Variants in NUDC observed in about 807,000 individuals in gnomAD.
NUDC encodes nuclear distribution C, dynein complex regulator.
Under a neutral mutation model 45.0 loss-of-function variants are expected in NUDC, and 14 were observed. The ratio of observed to expected loss-of-function variants is 0.31; its 90% CI spans 0.21 to 0.49. NUDC has a LOEUF of 0.49. Ranked by LOEUF, NUDC falls within the 20% of genes least tolerant of loss-of-function variation. The pLI, the probability that NUDC is intolerant of heterozygous loss-of-function variation, is 0.99. For missense variants in NUDC, 323 were observed against 426.2 expected, an observed-to-expected ratio of 0.76 and a Z score of 2.13; for synonymous variants, 153 against 156.7, an observed-to-expected ratio of 0.98 and a Z score of 0.17.
At chr1:26,904,749 C>T (rs369451340) in intron 2 of NUDC, among the ~76,000 whole-genome samples, 10 of 152,162 alleles carry the variant, frequency 6.6e-5, no homozygotes, top group African/African-American at 2.2e-4. Flanking sequence ...GAGAGATCAC[C>T]TCCAACCCCC....
At chr1:26,907,072 G>A (rs1482152259) in intron 2 of NUDC, among the ~76,000 whole-genome samples, 4 of 152,130 alleles carry the variant, frequency 2.6e-5, no homozygotes, top group South Asian at 2.1e-4. Context: ...GTTCTGTGAG[G>A]TGGTCCCTGT....
rs768920954 is a variant in NUDC at position 26,913,361 on chromosome 1, G to T, written c.93+2126G>T. ...CCTTAGAAGCTACCTTCCCTGGCTGGCCCCTGCTTCAGCCTTGCCCCCCAC... is the reference window on the plus strand; with the variant it reads ...CCTTAGAAGCTACCTTCCCTGGCTGTCCCCTGCTTCAGCCTTGCCCCCCAC... On this transcript the variant is annotated intron_variant, in intron 3 of 6. Transcript: ENST00000435827. 7.7e-6 allele frequency: 12 copies of T among 1,562,926 alleles called. No individual in the cohort carries two copies. In the African/African-American group the frequency reaches 1.5e-4, roughly 19 times the overall value.
chr1:26,905,501 A>G (rs2081999430), intron 2 of NUDC, among the ~76,000 whole-genome samples: 1 of 152,308 alleles, frequency 6.6e-6, no homozygotes, highest in East Asian at 1.9e-4. Flanking sequence ...GAGAAGTCAC[A>G]GGACAAGGGA....
rs183416643 is a variant in NUDC, at chr1:26,937,141, G to A, written c.160-4316G>A. ...TATAAAAGACATAACTTCAGGAACA[G>A]CCAAATAGCTGTGTAGGGCTAGGTA... is the stretch of plus-strand genomic sequence containing the variant. On this transcript the variant is annotated intron_variant, in intron 2 of 8. Coordinates refer to ENST00000321265, the MANE Select transcript of NUDC (RefSeq NM_006600.4). 1.2e-3 allele frequency among the ~76,000 whole-genome samples: 185 copies of A among 152,304 alleles called. 4 individuals are homozygous for A. The highest frequency in any genetic ancestry group is 9.9e-3 in the Admixed American group (152 of 15,294).
intron 3 of NUDC, chr1:26,914,011 C>A: frequency 7.9e-7 from 1 of 1,273,694 alleles, no homozygotes. Flanking sequence ...TTTATATTCC[C>A]AGTGAGTGGA....
intron 1 of NUDC, chr1:26,922,133 T>C (rs2082096668): frequency 1.7e-6 from 1 of 602,436 alleles, no homozygotes; most frequent in Non-Finnish European, 3.0e-6. Context: ...CCGGCGCCCC[T>C]CAGTAGTAGC....
rs1183790637 is a variant in NUDC, at chr1:26,911,684, C to T, written c.93+449C>T. ...ACACTGTGTCCAAACCAAGGAAGTC[C>T]AATGTGGGGTGTGGCTGAGTGAAGA... On this transcript the variant is annotated intron_variant, in intron 3 of 6. Transcript: ENST00000435827. The T allele has an allele frequency of 1.7e-5, 14 of 824,868 alleles. No homozygotes were observed. In the Admixed American group the frequency reaches 2.7e-4, roughly 16 times the overall value. 51.1% of individuals were successfully genotyped at this position (824,868 alleles called of 1,614,324 possible). A position where few individuals can be genotyped will look rare whatever the true frequency, so the allele number is the denominator to read the frequency against.
At chr1:26,909,720 G>A (rs1226764204) in intron 2 of NUDC, among the ~76,000 whole-genome samples, 2 of 152,124 alleles carry the variant, frequency 1.3e-5, no homozygotes, top group African/African-American at 2.4e-5. Flanking sequence ...GTGGTCTCAT[G>A]TGTCTACAAG....
At chr1:26,913,793 A>G (rs777619184) in intron 3 of NUDC, 38 of 1,539,534 alleles carry the variant, frequency 2.5e-5, no homozygotes, top group Non-Finnish European at 3.2e-5. Flanking sequence ...TGAGGTGCAC[A>G]TAGCTGGACG....
intron 6 of NUDC, 105 bp from the exon 7 acceptor site, chr1:26,945,285 G>T: frequency 1.1e-6 from 1 of 885,886 alleles, no homozygotes; most frequent in East Asian, 2.5e-5. Context: ...AAGGGTCTCA[G>T]GTGCAGGATG....
At chr1:26,936,835 C>T (rs1171949818) in intron 2 of NUDC, among the ~76,000 whole-genome samples, 1 of 151,324 alleles carries the variant, frequency 6.6e-6, no homozygotes, top group African/African-American at 2.5e-5. Context: ...CACCACTCGA[C>T]GACCAGTTCT....
chr1:26,910,664 C>G (rs1450526934), intron 2 of NUDC, among the ~76,000 whole-genome samples: 3 of 152,148 alleles, frequency 2.0e-5, no homozygotes, highest in Non-Finnish European at 4.4e-5. Flanking sequence ...GCCGGAAAAT[C>G]CTATAGGCAT....
Position 26,943,065 on chromosome 1 carries a change from G to T in NUDC, c.741G>T (p.Lys247Asn). ...DGKVVTVHLEKINKMEWWSRL... is the reference protein window; with the variant it reads ...DGKVVTVHLENINKMEWWSRL... ...AGGTGGTGACTGTGCATCTGGAGAA[G>T]GTATGTGAGGCCCAGCCCTTCTAGC... The change falls in exon 6 of 9, where the codon AAG (lysine) becomes AAT (asparagine). Residue 247 changes from lysine (K) to asparagine (N), a missense_variant and splice_region_variant. Coordinates refer to ENST00000321265, the MANE Select transcript of NUDC (RefSeq NM_006600.4). 6.2e-7 allele frequency: 1 copy of T among 1,614,092 alleles called. No homozygotes were observed. The highest frequency in any genetic ancestry group is 8.5e-7 in the Non-Finnish European group (1 of 1,180,004).
At chr1:26,914,916 G>A (rs1330558974) in intron 3 of NUDC, among the ~76,000 whole-genome samples, 1 of 151,608 alleles carries the variant, frequency 6.6e-6, no homozygotes, top group Non-Finnish European at 1.5e-5. Flanking sequence ...ACAGTGAGCT[G>A]AGATCATGCC....
rs2082103750 is a variant in NUDC at position 26,923,045 on chromosome 1, G to C, written c.82-1044G>C. Among the ~76,000 whole-genome samples, 3 of 152,202 alleles carry C rather than the reference G, an allele frequency of 2.0e-5. No individual in the cohort carries two copies. The South Asian group carries it at 6.2e-4, about 31-fold the overall frequency. ...TTAGACCCACTCTTGGGCAAATAAAGGGTTTGTGTGTGCTGACCTTGAGTC... is the reference window on the plus strand; with the variant it reads ...TTAGACCCACTCTTGGGCAAATAAACGGTTTGTGTGTGCTGACCTTGAGTC... On this transcript the variant is annotated intron_variant, in intron 1 of 8. Coordinates refer to ENST00000321265, the MANE Select transcript of NUDC (RefSeq NM_006600.4).
intron 2 of NUDC, among the ~76,000 whole-genome samples, chr1:26,940,306 A>G (rs746035462): frequency 4.6e-5 from 7 of 151,914 alleles, no homozygotes; most frequent in Non-Finnish European, 8.8e-5. Flanking sequence ...GAGAAACCCC[A>G]TCTCTACTAA....
Position 26,927,264 on chromosome 1 carries a change from C to CGTGTGTGTGTGTGTGTGTGTGT in NUDC, c.159+3117_159+3138dup, listed in dbSNP as rs60238934. ...GCTGTAAGAAGGGAGAGAGATGAAC[C>CGTGTGTGTGTGTGTGTGTGTGT]GTGTGTGTGTGTGTGTGTGTGTGTG... On this transcript the variant is annotated intron_variant, in intron 2 of 8. Transcript: ENST00000321265. Among the ~76,000 whole-genome samples, 116 of 91,824 alleles carry CGTGTGTGTGTGTGTGTGTGTGT rather than the reference C, an allele frequency of 1.3e-3. 3 individuals are homozygous for CGTGTGTGTGTGTGTGTGTGTGT. Among genetic ancestry groups the CGTGTGTGTGTGTGTGTGTGTGT allele is most frequent in the Non-Finnish European group, 2.0e-3 (91 of 46,494 alleles). 60.2% of individuals were successfully genotyped at this position (91,824 alleles called of 152,430 possible). A position where few individuals can be genotyped will look rare whatever the true frequency, so the allele number is the denominator to read the frequency against.
At chr1:26,905,028 G>T (rs144285666) in intron 2 of NUDC, among the ~76,000 whole-genome samples, 1 of 150,742 alleles carries the variant, frequency 6.6e-6, no homozygotes, top group African/African-American at 2.4e-5. Context: ...GTAGAGATGG[G>T]GTTTCACCAT....
At position 26,942,995 on chromosome 1, in the gene NUDC, A is replaced by G. The variant is rs780339137; in HGVS notation, c.671A>G (p.Asn224Ser). ...QPAIIDGELY[N>S]EVKVEESSWL... The stretch of plus-strand genomic sequence containing the variant: ...GCGATCATTGATGGGGAGCTCTACA[A>G]TGAAGTGAAGGTGGAGGAGAGCTCG... Residue 224 changes from asparagine (N) to serine (S), a missense_variant, in exon 6 of 9, where the codon AAT becomes AGT. Asn to Ser is a conservative substitution (Grantham distance 46). Around this residue, in one of 3 missense-constraint regions of NUDC, gnomAD observed 245 missense variants for 278.8 expected, o/e 0.88. Transcript: ENST00000321265. 4.3e-6 allele frequency: 7 copies of G among 1,613,992 alleles called. No individual in the cohort carries two copies. In the Admixed American group the frequency reaches 5.0e-5, roughly 12 times the overall value.
Sources: gnomAD v4.1 joint callset for allele counts (sites outside exome capture counted in the v4.1 genomes callset) on GRCh38, gnomAD v4.1.1 for gene constraint, gnomAD v4.1.1 regional missense constraint, MANE v1.5 for transcripts, NCBI Gene and HGNC (gene_info 2026-07-23, HGNC 2026-07-21) for gene names.